ATXN7: variants seen among roughly 807,000 people sequenced by gnomAD.
The protein encoded by ATXN7 is ataxin 7.
ATXN7 carries 12 observed loss-of-function variants against 70.5 expected under a neutral mutation model. The ratio of observed to expected loss-of-function variants is 0.17; its 90% CI spans 0.11 to 0.28. The LOEUF (loss-of-function observed/expected upper bound fraction) is 0.28. Ranked by LOEUF, ATXN7 falls within the 10% of genes least tolerant of loss-of-function variation. The pLI, the probability that ATXN7 is intolerant of heterozygous loss-of-function variation, is 1.00. For missense variants in ATXN7, 1,256 were observed against 1,131.7 expected (o/e 1.11, Z -1.58); for synonymous variants, 498 against 448.7 (o/e 1.11, Z -1.39).
chr3:63,886,930 T>TC (rs926574689), intron 1 of ATXN7, among the ~76,000 whole-genome samples: 1 of 152,214 alleles, frequency 6.6e-6, no homozygotes, highest in Admixed American at 6.5e-5. Context: ...ATGACTTTTT[T>TC]CCCCTTTGCT....
intron 5 of ATXN7, among the ~76,000 whole-genome samples, chr3:63,963,691 C>T (rs1162170034): frequency 6.6e-6 from 1 of 152,226 alleles, no homozygotes; most frequent in African/African-American, 2.4e-5. Flanking sequence ...CACTAATCCC[C>T]TCTTTTTAAT....
At chr3:63,901,909 T>C (rs1056386259) in intron 2 of ATXN7, 2 of 152,182 alleles carry the variant, frequency 1.3e-5, no homozygotes, top group Non-Finnish European at 2.9e-5. Context: ...CCACATATTA[T>C]GTGGTTTCAT....
Position 63,990,831 on chromosome 3 carries a change from G to A in ATXN7, c.1654G>A (p.Glu552Lys), listed in dbSNP as rs1198301649. The change falls in exon 11 of 13, where the codon GAG (glutamate) becomes AAG (lysine). Residue 552 changes from glutamate (E) to lysine (K), a missense_variant. Transcript: ENST00000674280. The part of the protein sequence containing the change: ...RLRCALNLMV[E>K]KHLNAQLWKK... The stretch of plus-strand genomic sequence containing the variant: ...TCGCTGCGCCCTCAACCTCATGGTG[G>A]AGAAGCATCTGAATGCACAGCTATG... 5 of 1,614,124 alleles carry A rather than the reference G, an allele frequency of 3.1e-6. No homozygotes were observed. In the East Asian group the frequency reaches 8.9e-5, roughly 29 times the overall value.
At chr3:63,867,822 T>G (rs1702480202) in intron 1 of ATXN7, among the ~76,000 whole-genome samples, 1 of 151,970 alleles carries the variant, frequency 6.6e-6, no homozygotes, top group South Asian at 2.1e-4. Flanking sequence ...CCCAGGAGGC[T>G]GAGGTTGCAG....
At chr3:63,958,834 T>G (rs1273543245) in intron 5 of ATXN7, among the ~76,000 whole-genome samples, 4 of 152,176 alleles carry the variant, frequency 2.6e-5, no homozygotes, top group Non-Finnish European at 4.4e-5. Context: ...TAAATTAAAT[T>G]TCATTCACAC....
intron 5 of ATXN7, among the ~76,000 whole-genome samples, chr3:63,954,691 G>T (rs559652344): frequency 6.7e-6 from 1 of 149,672 alleles, no homozygotes; most frequent in Admixed American, 6.6e-5. Flanking sequence ...GTACGGGTAG[G>T]AAAAAGTGTT....
chr3:63,888,866 C>T (rs997104864), intron 1 of ATXN7, among the ~76,000 whole-genome samples: 6 of 152,178 alleles, frequency 3.9e-5, no homozygotes, highest in Non-Finnish European at 8.8e-5. Context: ...TAACTCCTGG[C>T]AGCTGCTAAT....
At chr3:63,985,012 T>C (rs186561714) in intron 8 of ATXN7, among the ~76,000 whole-genome samples, 1 of 152,356 alleles carries the variant, frequency 6.6e-6, no homozygotes, top group East Asian at 1.9e-4. Flanking sequence ...TATACTATGT[T>C]GTCTTCATCC....
chr3:63,874,477 G>A (rs1702690802), intron 1 of ATXN7, among the ~76,000 whole-genome samples: 1 of 152,224 alleles, frequency 6.6e-6, no homozygotes. Flanking sequence ...TATACAGTGT[G>A]ATTTTATACA....
chr3:63,996,639 AAAG>A (rs1019664403), intron 12 of ATXN7, 156 bp downstream of exon 12: 10 of 887,558 alleles, frequency 1.1e-5, no homozygotes, highest in African/African-American at 1.8e-5. Flanking sequence ...AAAAAAAAAA[AAAG>A]GTTCACGGCC....
intron 2 of ATXN7, among the ~76,000 whole-genome samples, chr3:63,910,426 T>G (rs1703972421): frequency 6.6e-6 from 1 of 152,222 alleles, no homozygotes. Flanking sequence ...TTTTCTTAAG[T>G]GTAGAATTTC....
chr3:63,996,358 A>C lies in ATXN7; in HGVS notation c.2536A>C (p.Ile846Leu). Residue 846 changes from isoleucine to leucine, a missense_variant, in exon 12 of 13, where the codon ATC becomes CTC. Coordinates refer to ENST00000674280, the MANE Select transcript of ATXN7 (RefSeq NM_001377405.1). Reference protein sequence around the residue: ...KRKCSPSSSSINNSSSKPTKV... With the variant: ...KRKCSPSSSSLNNSSSKPTKV... ...AAAGTGCTCACCCAGCTCGAGCAGC[A>C]TCAACAACAGCAGCAGCAAACCCAC... 6.8e-6 allele frequency: 11 copies of C among 1,614,224 alleles called. No individual in the cohort carries two copies. The highest frequency in any genetic ancestry group is 8.5e-6 in the Non-Finnish European group (10 of 1,180,038).
chr3:63,978,247 G>T (rs182104665), intron 5 of ATXN7, among the ~76,000 whole-genome samples: 6 of 152,308 alleles, frequency 3.9e-5, no homozygotes, highest in Admixed American at 3.9e-4. Flanking sequence ...CGTTATTCCA[G>T]TGGGTAGCCA....
At chr3:63,865,552 G>A (rs1702388211) in intron 1 of ATXN7, among the ~76,000 whole-genome samples, 1 of 152,076 alleles carries the variant, frequency 6.6e-6, no homozygotes, top group Admixed American at 6.5e-5. Context: ...ATTGATTGGG[G>A]TTCACAATAC....
At chr3:63,897,027 A>C (rs530375084) in intron 1 of ATXN7, among the ~76,000 whole-genome samples, 47 of 152,344 alleles carry the variant, frequency 3.1e-4, no homozygotes, top group African/African-American at 8.2e-4. Flanking sequence ...AATCACCATC[A>C]GGGTGGTGAA....
intron 4 of ATXN7, among the ~76,000 whole-genome samples, chr3:63,932,735 A>G (rs1478848825): frequency 6.6e-6 from 1 of 152,110 alleles, no homozygotes; most frequent in Non-Finnish European, 1.5e-5. Context: ...CCCTTTCCCC[A>G]AGAAAGAGAA....
intron 1 of ATXN7, among the ~76,000 whole-genome samples, chr3:63,884,291 A>C (rs1435306166): frequency 1.3e-5 from 2 of 151,524 alleles, no homozygotes; most frequent in African/African-American, 2.4e-5. Context: ...TCCACACACA[A>C]TGATGGGGTG....
chr3:63,979,247 G>C (rs1211244449), intron 5 of ATXN7, among the ~76,000 whole-genome samples: 1 of 152,154 alleles, frequency 6.6e-6, no homozygotes, highest in Non-Finnish European at 1.5e-5. Flanking sequence ...TGGTATTTTT[G>C]TCTTGCGCCT....
chr3:63,988,373 GC>G lies in ATXN7; in HGVS notation c.1361+50del, dbSNP rs1471785130. 3 of 1,604,550 alleles carry G rather than the reference GC, an allele frequency of 1.9e-6. No homozygotes were observed. In the African/African-American group the frequency reaches 4.0e-5, roughly 22 times the overall value. ...TCTCCCACCTTCAGAGATGAGACTTGCAGATACTGTAAAATTTCAGTATGGT... is the reference window on the plus strand; with the variant it reads ...TCTCCCACCTTCAGAGATGAGACTTGAGATACTGTAAAATTTCAGTATGGT... On this transcript the variant is annotated intron_variant, in intron 9 of 12. Coordinates refer to ENST00000674280, the MANE Select transcript of ATXN7 (RefSeq NM_001377405.1).
Sources: allele counts gnomAD v4.1 joint callset (sites outside exome capture counted in the v4.1 genomes callset), GRCh38; gene constraint gnomAD v4.1.1; transcripts MANE v1.5; gene names NCBI Gene and HGNC (gene_info 2026-07-23, HGNC 2026-07-21).